RETREG1: variants seen among roughly 807,000 people sequenced by gnomAD.
RETREG1 encodes family with sequence similarity 134 member B.
In RETREG1, 44 loss-of-function variants were observed where a neutral mutation model predicts 54.8. The ratio of observed to expected loss-of-function variants is 0.80; its 90% CI spans 0.63 to 1.03. RETREG1 has a LOEUF of 1.03. RETREG1 is among the 50% of genes least tolerant of loss of function. The pLI, the probability that RETREG1 is intolerant of heterozygous loss-of-function variation, is 0.00. For missense variants in RETREG1, 554 were observed against 605.1 expected (o/e 0.92, Z 0.89); for synonymous variants, 217 against 238.5 (o/e 0.91, Z 0.83).
chr5:16,600,062 G>A (rs376150625), intron 1 of RETREG1, among the ~76,000 whole-genome samples: 1 of 152,280 alleles, frequency 6.6e-6, no homozygotes, highest in East Asian at 1.9e-4. Flanking sequence ...GTGCAGTGGC[G>A]TGACCTCGGC....
chr5:16,576,031 T>C (rs1330558914), intron 1 of RETREG1, among the ~76,000 whole-genome samples: 1 of 152,176 alleles, frequency 6.6e-6, no homozygotes, highest in East Asian at 1.9e-4. Flanking sequence ...GTACCTAATA[T>C]TTGGGAGGGT....
intron 3 of RETREG1, among the ~76,000 whole-genome samples, chr5:16,509,902 G>A (rs916163944): frequency 8.5e-5 from 13 of 152,190 alleles, no homozygotes; most frequent in Admixed American, 7.2e-4. Context: ...GCTGGAGTGA[G>A]AGAATTGCTT....
At chr5:16,516,249 C>T (rs748771764) in intron 3 of RETREG1, among the ~76,000 whole-genome samples, 15 of 152,268 alleles carry the variant, frequency 9.9e-5, no homozygotes, top group Middle Eastern at 6.8e-3. Flanking sequence ...AAGACCCCTT[C>T]GAGGTAGAGA....
At chr5:16,613,078 G>C (rs1179879016) in intron 1 of RETREG1, among the ~76,000 whole-genome samples, 1 of 147,708 alleles carries the variant, frequency 6.8e-6, no homozygotes, top group Non-Finnish European at 1.5e-5. Context: ...TAAATTATTT[G>C]TGGATACTTC....
chr5:16,509,039 T>G (rs1340647895), intron 3 of RETREG1: 1 of 320,392 alleles, frequency 3.1e-6, no homozygotes, highest in South Asian at 1.9e-4. Context: ...TTCCCCCGGC[T>G]TTTTTTTTTT....
chr5:16,510,232 T>G (rs913184058), intron 3 of RETREG1, among the ~76,000 whole-genome samples: 18 of 152,178 alleles, frequency 1.2e-4, no homozygotes, highest in Non-Finnish European at 1.9e-4. Flanking sequence ...AACAATTCCT[T>G]AAGGCATTTC....
intron 1 of RETREG1, among the ~76,000 whole-genome samples, chr5:16,590,174 A>G (rs1277223082): frequency 6.6e-6 from 1 of 152,198 alleles, no homozygotes; most frequent in Non-Finnish European, 1.5e-5. Context: ...CCCCAACCCC[A>G]GCTGCTGATC....
At chr5:16,492,348 G>T (rs531325035) in intron 3 of RETREG1, among the ~76,000 whole-genome samples, 2 of 150,800 alleles carry the variant, frequency 1.3e-5, no homozygotes, top group East Asian at 3.9e-4. Flanking sequence ...AATACCTCCA[G>T]AAAGTATACA....
intron 1 of RETREG1, among the ~76,000 whole-genome samples, chr5:16,608,279 T>C (rs748608283): frequency 6.6e-6 from 1 of 152,110 alleles, no homozygotes; most frequent in Non-Finnish European, 1.5e-5. Context: ...CTACAGTGTT[T>C]CAGATCTCAT....
At position 16,572,452 on chromosome 5, in the gene RETREG1, A is replaced by G. The variant is rs565873114; in HGVS notation, c.321-350T>C. The stretch of plus-strand genomic sequence containing the variant: ...CATCACGAACTCCTGTCCTCAAGCG[A>G]TCCACCCACCTCGGCCTCCCAAAGT... On this transcript the variant is annotated intron_variant, in intron 1 of 8. Transcript: ENST00000306320. Among the ~76,000 whole-genome samples, 9 of 152,206 alleles carry G rather than the reference A, an allele frequency of 5.9e-5. No homozygotes were observed. In the East Asian group the frequency reaches 1.2e-3, roughly 20 times the overall value.
chr5:16,585,417 T>G lies in RETREG1; in HGVS notation c.321-13315A>C, dbSNP rs940572200. On this transcript the variant is annotated intron_variant, in intron 1 of 8. Transcript: ENST00000306320. This position sits in a 1 kb window ranked among gnomAD's most constrained non-coding sequence, Gnocchi z 4.5. ...TCTACTGTGCACCCTTGCACTGGAA[T>G]TATGAGAAAAGCCATGGGTAAATCA... Among the ~76,000 whole-genome samples, 2 of 152,096 alleles carry G rather than the reference T, an allele frequency of 1.3e-5. No homozygotes were observed. Among genetic ancestry groups the G allele is most frequent in the African/African-American group, 4.8e-5 (2 of 41,422 alleles).
intron 2 of RETREG1, among the ~76,000 whole-genome samples, chr5:16,567,609 C>A (rs2090536848): frequency 6.6e-6 from 1 of 152,098 alleles, no homozygotes; most frequent in African/African-American, 2.4e-5. Flanking sequence ...AGCCTCAGAG[C>A]CACCCACTGA....
intron 3 of RETREG1, among the ~76,000 whole-genome samples, chr5:16,499,556 A>C (rs1434717217): frequency 6.6e-6 from 1 of 152,248 alleles, no homozygotes; most frequent in East Asian, 1.9e-4. Flanking sequence ...GCACTTGCTT[A>C]CAATTCAACC....
At chr5:16,504,278 C>A (rs902019771) in intron 3 of RETREG1, among the ~76,000 whole-genome samples, 4 of 151,710 alleles carry the variant, frequency 2.6e-5, no homozygotes, top group African/African-American at 9.7e-5. Flanking sequence ...TGTATATGTA[C>A]CACATTTTCT....
At chr5:16,491,876 A>G (rs1055768931) in intron 3 of RETREG1, among the ~76,000 whole-genome samples, 3 of 152,210 alleles carry the variant, frequency 2.0e-5, no homozygotes, top group Non-Finnish European at 4.4e-5. Context: ...AAGGAAAGAA[A>G]GGAAGAAAGA....
In RETREG1 at chr5:16,473,528, C is replaced by T. The variant is rs1738393030; in HGVS notation, c.*1213G>A. On this transcript the variant is annotated 3_prime_UTR_variant, in exon 9 of 9. Coordinates refer to ENST00000306320, the MANE Select transcript of RETREG1 (RefSeq NM_001034850.3). Reference sequence around the variant, plus strand: ...TGCATCTGCCAAAATGCCAGCTGTACCTGAAGATTTAAGAGATTTTTGGTA... The same window carrying T: ...TGCATCTGCCAAAATGCCAGCTGTATCTGAAGATTTAAGAGATTTTTGGTA... The T allele has an allele frequency of 6.6e-6, 1 of 152,420 alleles. No homozygotes were observed. The highest frequency in any genetic ancestry group is 1.5e-5 in the Non-Finnish European group (1 of 67,962). The allele number at this position is 152,420 out of a possible 1,614,324, so 9.4% of individuals were successfully genotyped here.
intron 3 of RETREG1, 150 bp downstream of exon 3, chr5:16,565,613 G>A (rs1042901066): frequency 1.2e-6 from 1 of 817,900 alleles, no homozygotes; most frequent in African/African-American, 1.7e-5. Context: ...TCCGATTGAT[G>A]GTATTTTTCT....
At chr5:16,576,581 G>A (rs1742326227) in intron 1 of RETREG1, among the ~76,000 whole-genome samples, 1 of 152,154 alleles carries the variant, frequency 6.6e-6, no homozygotes, top group Non-Finnish European at 1.5e-5. Flanking sequence ...CGCCTCCCAG[G>A]TTCAAGCAAT....
intron 3 of RETREG1, among the ~76,000 whole-genome samples, chr5:16,503,649 C>T (rs55776311): frequency 0.26 from 33,816 of 130,440 alleles, 4,221 homozygotes; most frequent in Middle Eastern, 0.38. Flanking sequence ...GGCGACAGAG[C>T]AAGACTCCAT....
Sources: allele counts gnomAD v4.1 joint callset (sites outside exome capture counted in the v4.1 genomes callset), GRCh38; gene constraint gnomAD v4.1.1; non-coding constraint Gnocchi (gnomAD v3.1); transcripts MANE v1.5; gene names NCBI Gene and HGNC (gene_info 2026-07-23, HGNC 2026-07-21).